The following SLCO4A1 variants were observed in gnomAD, a reference collection of about 807,000 sequenced individuals.
The protein encoded by SLCO4A1 is solute carrier organic anion transporter family member 4A1.
Under a neutral mutation model 64.6 loss-of-function variants are expected in SLCO4A1, and 51 were observed. That is an observed-to-expected ratio of 0.79 (90% CI 0.63 to 1.00). SLCO4A1 has a LOEUF of 1.00. SLCO4A1 is among the 50% of genes least tolerant of loss of function. The probability of loss-of-function intolerance (pLI) is 0.00; values close to 1 mark genes in which losing one functional copy is unlikely to be tolerated. For missense variants in SLCO4A1, 919 were observed against 980.5 expected, an observed-to-expected ratio of 0.94 and a Z score of 0.84; for synonymous variants, 471 against 444.9, an observed-to-expected ratio of 1.06 and a Z score of -0.74.
At chr20:62,658,321 G>A (rs141925402) in intron 2 of SLCO4A1, among the ~76,000 whole-genome samples, 75 of 152,298 alleles carry the variant, frequency 4.9e-4, no homozygotes, top group African/African-American at 1.7e-3. Context: ...GTGGCTGGGC[G>A]GAGGGGCTCA....
intron 1 of SLCO4A1, among the ~76,000 whole-genome samples, chr20:62,652,580 G>A (rs987586326): frequency 1.3e-5 from 2 of 152,238 alleles, no homozygotes; most frequent in Non-Finnish European, 2.9e-5. Context: ...TGTGGCTCGT[G>A]GGTGGCCGTG....
At chr20:62,665,401 C>T (rs1479037109) in intron 6 of SLCO4A1, 4 of 283,488 alleles carry the variant, frequency 1.4e-5, no homozygotes, top group Non-Finnish European at 2.0e-5. Context: ...CTGGCTGTTC[C>T]ATGAGCCAGG....
chr20:62,687,622 G>A (rs538863377), downstream of SLCO4A1, among the ~76,000 whole-genome samples: 16 of 152,212 alleles, frequency 1.1e-4, no homozygotes, highest in Non-Finnish European at 2.1e-4. Flanking sequence ...GCCATCCCCC[G>A]CTCTGGGTGG....
intron 1 of SLCO4A1, 144 bp from the exon 2 acceptor site, chr20:62,656,215 G>A (rs980046917): frequency 4.7e-5 from 24 of 509,084 alleles, no homozygotes; most frequent in East Asian, 1.5e-4. Context: ...CTGGCCAGAC[G>A]CCACCCTGGA....
chr20:62,671,956 C>A lies in SLCO4A1; in HGVS notation c.*63C>A. ...GCATTTCCTGATGACAGAACAGTGC[C>A]GTTGGGTGATGCAATCACACGGGAA... On this transcript the variant is annotated 3_prime_UTR_variant, in exon 12 of 12. Transcript: ENST00000217159. The A allele has an allele frequency of 6.2e-7, 1 of 1,600,884 alleles. No individual in the cohort carries two copies.
At chr20:62,690,188 C>T (rs370993625), downstream of SLCO4A1, among the ~76,000 whole-genome samples, 32 of 152,340 alleles carry the variant, frequency 2.1e-4, no homozygotes, top group African/African-American at 7.5e-4. Context: ...TCCTGTGTGT[C>T]CTCCCAGTAA....
At chr20:62,677,674 G>A (rs1055366888) in intron 2 of SLCO4A1, among the ~76,000 whole-genome samples, 2 of 152,252 alleles carry the variant, frequency 1.3e-5, no homozygotes, top group African/African-American at 2.4e-5. Flanking sequence ...TCCTCTGCTG[G>A]AGGTGGGGTC....
chr20:62,674,856 G>A (rs76658830), downstream of SLCO4A1, among the ~76,000 whole-genome samples: 4,937 of 152,278 alleles, frequency 0.032, 98 homozygotes, highest in South Asian at 0.07. Context: ...GAAGACAGCC[G>A]TCTGCAGACC....
downstream of SLCO4A1, among the ~76,000 whole-genome samples, chr20:62,675,385 C>A (rs1329550285): frequency 6.6e-6 from 1 of 152,130 alleles, no homozygotes; most frequent in Non-Finnish European, 1.5e-5. Context: ...GCTCTGCCAC[C>A]CCTCAGGCAG....
intron 7 of SLCO4A1, 190 bp downstream of exon 7, chr20:62,666,765 C>G: frequency 1.6e-6 from 1 of 606,938 alleles, no homozygotes; most frequent in Non-Finnish European, 2.9e-6. Flanking sequence ...ACCATGCCAG[C>G]CCCCAGCAGT....
intron 1 of SLCO4A1, among the ~76,000 whole-genome samples, chr20:62,647,010 C>T (rs1981464865): frequency 6.6e-6 from 1 of 152,272 alleles, no homozygotes; most frequent in Non-Finnish European, 1.5e-5. Context: ...CCCTCTTGCT[C>T]AGACAATCCT....
Position 62,656,591 on chromosome 20 carries a change from C to T in SLCO4A1, c.137C>T (p.Ser46Phe), listed in dbSNP as rs376878065. The change falls in exon 2 of 12, where the codon TCC (serine) becomes TTC (phenylalanine). Residue 46 changes from serine (S) to phenylalanine (F), a missense_variant. Coordinates refer to ENST00000217159, the MANE Select transcript of SLCO4A1 (RefSeq NM_016354.4). ...GTPLSPGSLRSAAHSPLDTSK... is the reference protein window; with the variant it reads ...GTPLSPGSLRFAAHSPLDTSK... ...CCCCTGAGCCCCGGCTCCCTCCGCT[C>T]CGCTGCCCATAGCCCCCTGGACACC... 3.1e-6 allele frequency: 5 copies of T among 1,595,530 alleles called. No individual in the cohort carries two copies. The highest frequency in any genetic ancestry group is 1.3e-5 in the African/African-American group (1 of 74,484).
intron 9 of SLCO4A1, 48 bp downstream of exon 9, chr20:62,668,232 C>G: frequency 1.3e-6 from 2 of 1,599,904 alleles, no homozygotes; most frequent in Non-Finnish European, 1.7e-6. Context: ...CCTTGCAGCA[C>G]CCTGAGGCGG....
chr20:62,686,996 G>T (rs1988081010), downstream of SLCO4A1, among the ~76,000 whole-genome samples: 1 of 150,224 alleles, frequency 6.7e-6, no homozygotes, highest in African/African-American at 2.5e-5. Flanking sequence ...AGGCACGATG[G>T]GAAGGGCACC....
At chr20:62,687,838 C>T (rs752285080), downstream of SLCO4A1, among the ~76,000 whole-genome samples, 6 of 152,140 alleles carry the variant, frequency 3.9e-5, no homozygotes, top group Non-Finnish European at 7.4e-5. Flanking sequence ...ATGGCCCAAC[C>T]TGCCTTCCGA....
chr20:62,652,070 C>T (rs913408633), intron 1 of SLCO4A1: 2 of 147,772 alleles, frequency 1.4e-5, no homozygotes. Flanking sequence ...CCCCGCTCGG[C>T]CCCCCTCCCC....
At position 62,668,074 on chromosome 20, in the gene SLCO4A1, A is replaced by C. The variant is rs746448490; in HGVS notation, c.1701A>C (p.Ala567=). 1 of 1,613,996 alleles carries C rather than the reference A, an allele frequency of 6.2e-7. No individual in the cohort carries two copies. The highest frequency in any genetic ancestry group is 1.7e-5 in the Admixed American group (1 of 60,024). ...CCTCTGGTTTTGGCCATGCCACTGC[A>C]GGGAAATGCACTTCAACTTGTCAGA... ...NLSSGFGHAT[A]GKCTSTCQRK... The change falls in exon 9 of 12, where the codon GCA becomes GCC. Residue 567 remains alanine, a synonymous_variant. Coordinates refer to ENST00000217159, the MANE Select transcript of SLCO4A1 (RefSeq NM_016354.4).
At chr20:62,665,697 C>CT (rs1483703519) in intron 6 of SLCO4A1, among the ~76,000 whole-genome samples, 5 of 152,134 alleles carry the variant, frequency 3.3e-5, no homozygotes, top group African/African-American at 1.2e-4. Context: ...CCATCCTGGC[C>CT]TGGCCCCTCT....
chr20:62,651,429 C>T (rs549570846), intron 1 of SLCO4A1: 2 of 152,352 alleles, frequency 1.3e-5, no homozygotes, highest in Admixed American at 6.5e-5. Context: ...GAGGCCCCAA[C>T]GGAAGCCCCT....
Sources: allele counts gnomAD v4.1 joint callset (sites outside exome capture counted in the v4.1 genomes callset), GRCh38; gene constraint gnomAD v4.1.1; transcripts MANE v1.5; gene names NCBI Gene and HGNC (gene_info 2026-07-23, HGNC 2026-07-21).